SPEN: variants seen among roughly 807,000 people sequenced by gnomAD.
SPEN encodes msx2-interacting protein.
In SPEN, 18 loss-of-function variants were observed where a neutral mutation model predicts 269.9. The observed-to-expected ratio is 0.07, with a 90% CI of 0.05 to 0.10. SPEN has a LOEUF of 0.10. Among genes scored for constraint, SPEN ranks in the 10% least tolerant of loss-of-function variants. SPEN has a pLI of 1.00. For synonymous variants in SPEN, 1,726 were observed against 1,765.7 expected (o/e 0.98, Z 0.56); for missense variants, 3,822 against 4,631.2 (o/e 0.83, Z 5.07).
chr1:15,867,300 T>A (rs2070524391), intron 1 of SPEN, among the ~76,000 whole-genome samples: 1 of 152,236 alleles, frequency 6.6e-6, no homozygotes, highest in African/African-American at 2.4e-5. Flanking sequence ...TTTTAGAATA[T>A]ATCAGAACAT....
Position 15,929,661 on chromosome 1 carries a change from C to T in SPEN, c.3421C>T (p.Pro1141Ser), listed in dbSNP as rs2071202396. The T allele has an allele frequency of 6.2e-7, 1 of 1,614,126 alleles. No individual in the cohort carries two copies. The highest frequency in any genetic ancestry group is 2.2e-5 in the East Asian group (1 of 44,892). Reference sequence around the variant, plus strand: ...CTATTGCAGTCTTCGTGATGAAACACCTGAACGTAAATCAGGCCAAGAGAA... The same window carrying T: ...CTATTGCAGTCTTCGTGATGAAACATCTGAACGTAAATCAGGCCAAGAGAA... The part of the protein sequence containing the change: ...KNYCSLRDET[P>S]ERKSGQEKSH... The change falls in exon 11 of 15, where the codon CCT becomes TCT. Residue 1141 changes from proline (P) to serine (S), a missense_variant. This residue lies in a region of SPEN where 572 missense variants were observed against 582.6 expected (regional missense o/e 0.98). Coordinates refer to ENST00000375759, the MANE Select transcript of SPEN (RefSeq NM_015001.3). The surrounding 1 kb of genome is among the most constrained non-coding windows in gnomAD (Gnocchi z 5.8).
chr1:15,900,647 G>T (rs535237191), intron 3 of SPEN, among the ~76,000 whole-genome samples: 3 of 152,236 alleles, frequency 2.0e-5, no homozygotes, highest in African/African-American at 7.2e-5. Context: ...AGATTTTTAT[G>T]AAATGATACA....
chr1:15,939,151 A>C lies in SPEN; in HGVS notation c.10864-145A>C, dbSNP rs1202249166. The C allele has an allele frequency of 1.7e-6, 2 of 1,177,930 alleles. No individual in the cohort carries two copies. The highest frequency in any genetic ancestry group is 5.1e-5 in the East Asian group (2 of 39,480). The allele number at this position is 1,177,930 out of a possible 1,614,324, so 73.0% of individuals were successfully genotyped here. On this transcript the variant is annotated intron_variant, in intron 14 of 14. Transcript: ENST00000375759. The surrounding 1 kb of genome is among the most constrained non-coding windows in gnomAD (Gnocchi z 4.1). The stretch of plus-strand genomic sequence containing the variant: ...TTTTCTGACACCTGCTAGGTCTTCC[A>C]GTAGACATAGTCCTGGCACATTTGC...
Position 15,932,151 on chromosome 1 carries a change from C to T in SPEN, c.5911C>T (p.Pro1971Ser), listed in dbSNP as rs750127658. 3.1e-6 allele frequency: 5 copies of T among 1,612,786 alleles called. No homozygotes were observed. The highest frequency in any genetic ancestry group is 2.2e-5 in the East Asian group (1 of 44,868). Residue 1971 changes from proline (P) to serine (S), a missense_variant, in exon 11 of 15, where the codon CCT becomes TCT. Pro to Ser is a moderately conservative substitution (Grantham distance 74). This residue lies in a region of SPEN where 533 missense variants were observed against 618.8 expected (regional missense o/e 0.86). Coordinates refer to ENST00000375759, the MANE Select transcript of SPEN (RefSeq NM_015001.3). The surrounding 1 kb of genome is among the most constrained non-coding windows in gnomAD (Gnocchi z 4.2). ...AGAGGAGGAGAACGAGGCCAAGGAA[C>T]CTGCAGAAACACTCAAGCCACCTGA... is the stretch of plus-strand genomic sequence containing the variant. ...DEEEENEAKE[P>S]AETLKPPEGW...
Position 15,876,194 on chromosome 1 carries a change from A to G in SPEN, c.405-8A>G. 1 of 1,599,302 alleles carries G rather than the reference A, an allele frequency of 6.3e-7. No individual in the cohort carries two copies. Among genetic ancestry groups the G allele is most frequent in the South Asian group, 1.1e-5 (1 of 90,774 alleles). ...CTGATTAAATATTTTTCCCCCTCCT[A>G]AATGCAGGGCTTCAGATAACAGGGA... On this transcript the variant is annotated splice_region_variant and splice_polypyrimidine_tract_variant and intron_variant, in intron 2 of 14. Transcript: ENST00000375759.
rs775843260 is a variant in SPEN at position 15,932,683 on chromosome 1, C to G, written c.6443C>G (p.Pro2148Arg). 16 of 1,613,978 alleles carry G rather than the reference C, an allele frequency of 9.9e-6. No individual in the cohort carries two copies. The African/African-American group carries it at 1.9e-4, about 19-fold the overall frequency. The part of the protein sequence containing the change: ...KSDPVDPDKE[P>R]EKEDVSASGP... ...GATCCAGTTGATCCAGACAAGGAAC[C>G]AGAGAAAGAAGACGTGTCTGCCTCT... Residue 2148 changes from proline to arginine, a missense_variant, in exon 11 of 15, where the codon CCA becomes CGA. This residue lies in a region of SPEN where 727 missense variants were observed against 737.9 expected (regional missense o/e 0.99). Transcript: ENST00000375759. This position sits in a 1 kb window ranked among gnomAD's most constrained non-coding sequence, Gnocchi z 4.2.
rs2070301460 is a variant in SPEN at position 15,848,611 on chromosome 1, TC to T, written c.83+462del. 1.2e-5 allele frequency among the ~76,000 whole-genome samples: 1 copy of T among 84,484 alleles called. No homozygotes were observed. The highest frequency in any genetic ancestry group is 3.1e-5 in the African/African-American group (1 of 32,456). 55.4% of individuals were successfully genotyped at this position (84,484 alleles called of 152,430 possible). On this transcript the variant is annotated intron_variant, in intron 1 of 14. Transcript: ENST00000375759. The surrounding 1 kb of genome is among the most constrained non-coding windows in gnomAD (Gnocchi z 5.1). ...TGCGGGCGCTCGGCAATGTCTGACT[TC>T]GGGAGGGTTCCGTGCGAAGGGAAAG...
At chr1:15,854,591 A>C (rs1282539532) in intron 1 of SPEN, among the ~76,000 whole-genome samples, 1 of 151,728 alleles carries the variant, frequency 6.6e-6, no homozygotes, top group Non-Finnish European at 1.5e-5. Flanking sequence ...AGGTTCAAGC[A>C]ATTCTGCCTC....
chr1:15,901,578 GA>G (rs1367137547), intron 3 of SPEN, among the ~76,000 whole-genome samples: 1 of 146,772 alleles, frequency 6.8e-6, no homozygotes, highest in Non-Finnish European at 1.5e-5. Flanking sequence ...TGAACCTGGG[GA>G]TCGGAAGTTG....
rs1193699088 is a variant in SPEN at position 15,920,906 on chromosome 1, C to T, written c.1672C>T (p.Leu558Phe). ...FDRLKGMALV[L>F]YNEIEYAQAA... ...CCGCTTAAAAGGCATGGCCCTGGTT[C>T]TCTACAATGAAATTGAATATGCACA... Residue 558 changes from leucine to phenylalanine, a missense_variant, in exon 9 of 15, where the codon CTC becomes TTC. This residue lies in a region of SPEN where 230 missense variants were observed against 426.1 expected (regional missense o/e 0.54). Coordinates refer to ENST00000375759, the MANE Select transcript of SPEN (RefSeq NM_015001.3). 2 of 1,612,806 alleles carry T rather than the reference C, an allele frequency of 1.2e-6. No homozygotes were observed. Among genetic ancestry groups the T allele is most frequent in the Middle Eastern group, 1.7e-4 (1 of 6,056 alleles).
chr1:15,898,842 C>T (rs1005869407), intron 3 of SPEN, among the ~76,000 whole-genome samples: 17 of 152,218 alleles, frequency 1.1e-4, no homozygotes, highest in African/African-American at 3.1e-4. Flanking sequence ...GGGTTACAGG[C>T]GTGAGCCACT....
chr1:15,864,407 T>C (rs1464229274), intron 1 of SPEN, among the ~76,000 whole-genome samples: 1 of 151,508 alleles, frequency 6.6e-6, no homozygotes, highest in East Asian at 1.9e-4. Context: ...TGACCTCAAG[T>C]GATCTGCCTG....
chr1:15,884,328 TC>T lies in SPEN; in HGVS notation c.881+7652del, dbSNP rs1212221968. On this transcript the variant is annotated intron_variant, in intron 3 of 14. Coordinates refer to ENST00000375759, the MANE Select transcript of SPEN (RefSeq NM_015001.3). ...CTAGAGGGGGAATTTTACTCACATA[TC>T]CTTTTGTCTTTTCTTGAGGAGATTT... 3.9e-5 allele frequency among the ~76,000 whole-genome samples: 6 copies of T among 152,344 alleles called. No individual in the cohort carries two copies. The East Asian group carries it at 1.2e-3, about 29-fold the overall frequency.
chr1:15,883,276 T>A (rs574606680), intron 3 of SPEN, among the ~76,000 whole-genome samples: 6 of 152,234 alleles, frequency 3.9e-5, no homozygotes, highest in African/African-American at 1.4e-4. Context: ...TGTGAAACCC[T>A]TTGTGGTGTT....
At chr1:15,906,250 C>T (rs1016515477) in intron 3 of SPEN, among the ~76,000 whole-genome samples, 1 of 152,108 alleles carries the variant, frequency 6.6e-6, no homozygotes. Flanking sequence ...GCTGGATGAT[C>T]AGCAAACATT....
In SPEN at chr1:15,931,363, C is replaced by A; in HGVS notation, c.5123C>A (p.Pro1708His). The change falls in exon 11 of 15, where the codon CCC becomes CAC. Residue 1708 changes from proline (P) to histidine (H), a missense_variant. By Grantham distance (77) the Pro-to-His change is moderately conservative. Transcript: ENST00000375759. This position sits in a 1 kb window ranked among gnomAD's most constrained non-coding sequence, Gnocchi z 4.8. Reference sequence around the variant, plus strand: ...GTAGACCTGCCCCCAGGAGCAGACCCCGATAAAGAAGCTGCCATGATGCCT... The same window carrying A: ...GTAGACCTGCCCCCAGGAGCAGACCACGATAAAGAAGCTGCCATGATGCCT... ...EQVDLPPGAD[P>H]DKEAAMMPAG... 2.5e-6 allele frequency: 4 copies of A among 1,614,166 alleles called. No homozygotes were observed. The highest frequency in any genetic ancestry group is 3.4e-6 in the Non-Finnish European group (4 of 1,180,026).
intron 1 of SPEN, among the ~76,000 whole-genome samples, chr1:15,867,712 CTTT>C (rs796378051): frequency 2.9e-5 from 4 of 137,996 alleles, no homozygotes; most frequent in African/African-American, 2.7e-5. Flanking sequence ...TTGTCATTGC[CTTT>C]TTTTTTTTTT....
At chr1:15,904,998 CCTG>C (rs1383696447) in intron 3 of SPEN, among the ~76,000 whole-genome samples, 1 of 150,358 alleles carries the variant, frequency 6.7e-6, no homozygotes, top group African/African-American at 2.5e-5. Context: ...AAGTGATTCT[CCTG>C]CTTCAGCCTC....
intron 3 of SPEN, among the ~76,000 whole-genome samples, chr1:15,895,704 A>G (rs2070835402): frequency 6.9e-6 from 1 of 144,464 alleles, no homozygotes; most frequent in South Asian, 2.2e-4. Context: ...TTTTGGAGAC[A>G]GAATATCACT....
Sources: allele counts gnomAD v4.1 joint callset (sites outside exome capture counted in the v4.1 genomes callset), GRCh38; gene constraint gnomAD v4.1.1; regional missense constraint gnomAD v4.1.1; non-coding constraint Gnocchi (gnomAD v3.1); transcripts MANE v1.5; gene names NCBI Gene and HGNC (gene_info 2026-07-23, HGNC 2026-07-21).